PATJ: variants seen among roughly 807,000 people sequenced by gnomAD.
PATJ encodes PATJ crumbs cell polarity complex component.
In PATJ, 190 loss-of-function variants were observed where a neutral mutation model predicts 224.9. The observed-to-expected ratio is 0.84, with a 90% CI of 0.75 to 0.95. The LOEUF is 0.95. PATJ is among the 40% of genes least tolerant of loss of function. The probability of loss-of-function intolerance (pLI) is 0.00; values close to 1 mark genes in which losing one functional copy is unlikely to be tolerated. For missense variants in PATJ, 2,121 were observed against 2,270.3 expected, an observed-to-expected ratio of 0.93 and a Z score of 1.34; for synonymous variants, 769 against 820.3, an observed-to-expected ratio of 0.94 and a Z score of 1.07.
intron 18 of PATJ, among the ~76,000 whole-genome samples, chr1:61,856,868 G>C (rs1000927287): frequency 5.3e-5 from 8 of 152,078 alleles, no homozygotes; most frequent in Non-Finnish European, 1.0e-4. Context: ...GCTTTTTTAG[G>C]GGTGTGAGCC....
intron 17 of PATJ, among the ~76,000 whole-genome samples, chr1:61,843,749 C>T (rs1234411339): frequency 2.0e-5 from 3 of 151,570 alleles, no homozygotes; most frequent in Admixed American, 1.3e-4. Flanking sequence ...ATATAAATGC[C>T]TATGCTTTTC....
At chr1:61,831,487 AAAAC>A (rs1659308948) in intron 16 of PATJ, among the ~76,000 whole-genome samples, 1 of 152,192 alleles carries the variant, frequency 6.6e-6, no homozygotes, top group Non-Finnish European at 1.5e-5. Flanking sequence ...ACAGCAAGCA[AAAAC>A]AAACAGCCAC....
At chr1:61,802,084 C>T (rs889159391) in intron 12 of PATJ, among the ~76,000 whole-genome samples, 5 of 151,996 alleles carry the variant, frequency 3.3e-5, no homozygotes, top group East Asian at 1.9e-4. Context: ...TCTCCCTCAC[C>T]ACTCCTCCCA....
chr1:62,052,862 A>C (rs1380099763), intron 31 of PATJ, among the ~76,000 whole-genome samples: 3 of 152,222 alleles, frequency 2.0e-5, no homozygotes, highest in Non-Finnish European at 4.4e-5. Flanking sequence ...TTTCAAACCG[A>C]AAGCCCCTTT....
chr1:61,855,979 A>G, intron 17 of PATJ, 51 bp from the exon 18 acceptor site: 1 of 1,363,334 alleles, frequency 7.3e-7, no homozygotes, highest in South Asian at 1.2e-5. Context: ...CTAAGGCTGC[A>G]TATTTATTTT....
chr1:61,999,651 G>A (rs1645627177), intron 28 of PATJ, among the ~76,000 whole-genome samples: 1 of 152,078 alleles, frequency 6.6e-6, no homozygotes, highest in South Asian at 2.1e-4. Context: ...CTGGGTGACA[G>A]AGTGAGACTC....
chr1:61,973,060 A>G (rs1683192855), intron 27 of PATJ, among the ~76,000 whole-genome samples: 1 of 152,072 alleles, frequency 6.6e-6, no homozygotes, highest in Non-Finnish European at 1.5e-5. Context: ...GTAAAAGTGT[A>G]TTAATTAGAA....
chr1:61,906,346 T>C (rs569254807), intron 24 of PATJ, among the ~76,000 whole-genome samples: 2 of 152,182 alleles, frequency 1.3e-5, no homozygotes, highest in South Asian at 4.2e-4. Context: ...TTCTTGGAGA[T>C]TGTAGGGGGA....
chr1:61,924,642 A>G (rs915405735), intron 26 of PATJ, among the ~76,000 whole-genome samples: 3 of 152,198 alleles, frequency 2.0e-5, no homozygotes, highest in Non-Finnish European at 4.4e-5. Context: ...TTACATTTAA[A>G]TAATGCTCAC....
At chr1:61,916,641 T>C (rs1673487289) in intron 26 of PATJ, among the ~76,000 whole-genome samples, 1 of 152,228 alleles carries the variant, frequency 6.6e-6, no homozygotes, top group Admixed American at 6.5e-5. Context: ...GGGTTCATCT[T>C]ACCCACTGCC....
intron 39 of PATJ, among the ~76,000 whole-genome samples, chr1:62,124,955 G>A (rs1570705728): frequency 1.3e-5 from 2 of 152,046 alleles, no homozygotes; most frequent in South Asian, 2.1e-4. Flanking sequence ...AGCTGGGTGC[G>A]GTGGCTCATA....
chr1:62,155,557 C>T (rs1008211043), intron 43 of PATJ, among the ~76,000 whole-genome samples: 1 of 152,086 alleles, frequency 6.6e-6, no homozygotes, highest in African/African-American at 2.4e-5. Flanking sequence ...AATGCCCTCT[C>T]AAAGGTCCCA....
chr1:62,018,127 AT>A lies in PATJ; in HGVS notation c.3959+183del, dbSNP rs1330889891. On this transcript the variant is annotated intron_variant, in intron 29 of 43. Coordinates refer to ENST00000642238, the MANE Select transcript of PATJ (RefSeq NM_001350145.3). This position sits in a 1 kb window ranked among gnomAD's most constrained non-coding sequence, Gnocchi z 4.2. ...ATTGTTTTGATTATGAGATTGTCTT[AT>A]TTGCTTATGTTTCATGGGATAGAAT... Among the ~76,000 whole-genome samples, 2 of 152,094 alleles carry A rather than the reference AT, an allele frequency of 1.3e-5. No homozygotes were observed. The highest frequency in any genetic ancestry group is 2.9e-5 in the Non-Finnish European group (2 of 68,010).
chr1:61,833,176 C>A (rs1484794392), intron 16 of PATJ, among the ~76,000 whole-genome samples: 2 of 151,960 alleles, frequency 1.3e-5, no homozygotes, highest in Admixed American at 6.6e-5. Flanking sequence ...CTGGAGCCAG[C>A]AGAAGTGGTT....
intron 1 of PATJ, among the ~76,000 whole-genome samples, chr1:61,749,682 G>A (rs1189627967): frequency 1.4e-5 from 2 of 145,656 alleles, no homozygotes; most frequent in Admixed American, 1.4e-4. Context: ...GCAGCCTGGT[G>A]TTTTTTTTTT....
intron 28 of PATJ, among the ~76,000 whole-genome samples, chr1:62,007,604 A>G (rs1646168626): frequency 6.6e-6 from 1 of 152,248 alleles, no homozygotes; most frequent in East Asian, 1.9e-4. Flanking sequence ...GGTTGCAAAG[A>G]ACAGAAATTA....
At chr1:61,989,290 A>G (rs1644934353) in intron 27 of PATJ, among the ~76,000 whole-genome samples, 1 of 152,214 alleles carries the variant, frequency 6.6e-6, no homozygotes, top group Admixed American at 6.5e-5. Flanking sequence ...AATTTTCTCA[A>G]CATCCATGAA....
intron 41 of PATJ, among the ~76,000 whole-genome samples, chr1:62,147,348 A>C (rs1467416607): frequency 6.6e-6 from 1 of 152,208 alleles, no homozygotes; most frequent in African/African-American, 2.4e-5. Context: ...TGGAAGCCAA[A>C]CGAAGAAATG....
At chr1:61,993,839 T>A (rs941847996) in intron 28 of PATJ, among the ~76,000 whole-genome samples, 1 of 152,116 alleles carries the variant, frequency 6.6e-6, no homozygotes, top group African/African-American at 2.4e-5. Context: ...ACTTCCGGTA[T>A]CTGTTTGCTA....
Sources: gnomAD v4.1 joint callset for allele counts (sites outside exome capture counted in the v4.1 genomes callset) on GRCh38, gnomAD v4.1.1 for gene constraint, Gnocchi (gnomAD v3.1) non-coding constraint, MANE v1.5 for transcripts, NCBI Gene and HGNC (gene_info 2026-07-23, HGNC 2026-07-21) for gene names.